Variants in SRGAP1 observed in about 807,000 individuals in gnomAD.
SRGAP1 encodes the protein SLIT-ROBO Rho GTPase activating protein 1.
In SRGAP1, 43 loss-of-function variants were observed where a neutral mutation model predicts 121.9. That is an observed-to-expected ratio of 0.35 (90% CI 0.28 to 0.46). The LOEUF is 0.46. Ranked by LOEUF, SRGAP1 falls within the 20% of genes least tolerant of loss-of-function variation. The pLI is 1.00. For synonymous variants in SRGAP1, 447 were observed against 485.4 expected, an observed-to-expected ratio of 0.92 and a Z score of 1.04; for missense variants, 1,102 against 1,350.9, an observed-to-expected ratio of 0.82 and a Z score of 2.89.
At chr12:64,127,147 C>T (rs1008108802) in intron 19 of SRGAP1, among the ~76,000 whole-genome samples, 1 of 152,198 alleles carries the variant, frequency 6.6e-6, no homozygotes, top group Admixed American at 6.5e-5. Context: ...TGTGTAAGTG[C>T]ACTCTATGAT....
intron 1 of SRGAP1, among the ~76,000 whole-genome samples, chr12:63,875,476 G>A (rs1900000746): frequency 6.6e-6 from 1 of 152,098 alleles, no homozygotes; most frequent in South Asian, 2.1e-4. Context: ...GTGTTAAATG[G>A]TATGTTGTTG....
chr12:64,125,463 A>C (rs1335227987), intron 18 of SRGAP1, among the ~76,000 whole-genome samples: 3 of 152,184 alleles, frequency 2.0e-5, no homozygotes, highest in African/African-American at 4.8e-5. Flanking sequence ...ATGTATTCAC[A>C]TACTATTTAT....
At chr12:63,974,197 T>C (rs966707776) in intron 1 of SRGAP1, among the ~76,000 whole-genome samples, 13 of 152,154 alleles carry the variant, frequency 8.5e-5, no homozygotes, top group African/African-American at 3.1e-4. Flanking sequence ...CATTGAACAC[T>C]CTAATTTATT....
chr12:63,989,293 A>G (rs1296727795), intron 2 of SRGAP1, among the ~76,000 whole-genome samples: 7 of 152,232 alleles, frequency 4.6e-5, no homozygotes. Context: ...ATGGGTTTCA[A>G]CAGGACATGT....
intron 15 of SRGAP1, among the ~76,000 whole-genome samples, chr12:64,106,129 C>T (rs1356700648): frequency 2.0e-5 from 3 of 152,190 alleles, no homozygotes; most frequent in Non-Finnish European, 4.4e-5. Flanking sequence ...AAGCAATTCT[C>T]TTACCTTAGC....
At chr12:63,958,631 G>A (rs1210671050) in intron 1 of SRGAP1, among the ~76,000 whole-genome samples, 2 of 152,148 alleles carry the variant, frequency 1.3e-5, no homozygotes, top group Non-Finnish European at 2.9e-5. Context: ...TAGGTAATTA[G>A]GTTTGCAAAT....
chr12:63,949,120 A>G (rs1248738080), intron 1 of SRGAP1, among the ~76,000 whole-genome samples: 3 of 139,190 alleles, frequency 2.2e-5, no homozygotes, highest in African/African-American at 8.2e-5. Flanking sequence ...ATACATTCAT[A>G]TATGTATTTT....
chr12:63,951,152 C>CTT (rs58637983), intron 1 of SRGAP1, among the ~76,000 whole-genome samples: 1,712 of 44,200 alleles, frequency 0.039, 571 homozygotes, highest in Middle Eastern at 0.11. Context: ...ATTTAGAACT[C>CTT]TTTTTTTTTT....
intron 8 of SRGAP1, among the ~76,000 whole-genome samples, chr12:64,067,855 G>C (rs2035567540): frequency 6.6e-6 from 1 of 151,444 alleles, no homozygotes. Flanking sequence ...GGGGCTTGAG[G>C]CTGCATGGAG....
chr12:64,059,639 T>C (rs1165678893), intron 6 of SRGAP1, among the ~76,000 whole-genome samples: 3 of 152,198 alleles, frequency 2.0e-5, no homozygotes, highest in Non-Finnish European at 2.9e-5. Context: ...ATTTGTGTTT[T>C]CATTAACGCA....
intron 1 of SRGAP1, among the ~76,000 whole-genome samples, chr12:63,943,341 A>C (rs1164491731): frequency 6.6e-6 from 1 of 152,226 alleles, no homozygotes; most frequent in Non-Finnish European, 1.5e-5. Context: ...AAATCTTTTT[A>C]TATCCCACAG....
intron 1 of SRGAP1, among the ~76,000 whole-genome samples, chr12:63,952,155 C>T (rs1309648624): frequency 6.6e-6 from 1 of 152,062 alleles, no homozygotes; most frequent in Non-Finnish European, 1.5e-5. Flanking sequence ...CCACTCTGCA[C>T]CTCACTATTC....
intron 1 of SRGAP1, among the ~76,000 whole-genome samples, chr12:63,880,578 C>T (rs1485687679): frequency 6.6e-6 from 1 of 152,048 alleles, no homozygotes; most frequent in Non-Finnish European, 1.5e-5. Context: ...AGTATTTCTT[C>T]GTAGCAGTAT....
intron 1 of SRGAP1, among the ~76,000 whole-genome samples, chr12:63,847,482 G>A (rs11175182): frequency 0.034 from 5,244 of 152,012 alleles, 328 homozygotes; most frequent in African/African-American, 0.12. Context: ...GGCCAGGCAC[G>A]GTGGCTCACG....
intron 14 of SRGAP1, among the ~76,000 whole-genome samples, chr12:64,096,458 T>G (rs888650423): frequency 5.9e-5 from 9 of 152,224 alleles, no homozygotes; most frequent in Non-Finnish European, 1.0e-4. Context: ...TATTTTATGT[T>G]GAACTTCTTA....
chr12:64,053,076 C>CAAA (rs1469497598), intron 6 of SRGAP1, among the ~76,000 whole-genome samples: 4 of 152,148 alleles, frequency 2.6e-5, no homozygotes, highest in Non-Finnish European at 4.4e-5. Context: ...TTCTTGGAGG[C>CAAA]ATACAGATGA....
intron 1 of SRGAP1, among the ~76,000 whole-genome samples, chr12:63,934,224 T>C (rs535545282): frequency 6.6e-6 from 1 of 152,256 alleles, no homozygotes; most frequent in South Asian, 2.1e-4. Context: ...AGAGAGCCCA[T>C]CCATTGTGTT....
At chr12:63,988,194 C>T (rs1261669543) in intron 2 of SRGAP1, among the ~76,000 whole-genome samples, 1 of 152,124 alleles carries the variant, frequency 6.6e-6, no homozygotes, top group Non-Finnish European at 1.5e-5. Flanking sequence ...TGAAATAACA[C>T]TTATTTAATG....
At chr12:64,115,324 GATGAATGT>G (rs2036499782) in intron 17 of SRGAP1, among the ~76,000 whole-genome samples, 1 of 152,202 alleles carries the variant, frequency 6.6e-6, no homozygotes, top group African/African-American at 2.4e-5. Context: ...CCTAGTCAAA[GATGAATGT>G]ATGTATCTAA....
Sources: allele counts gnomAD v4.1 joint callset (sites outside exome capture counted in the v4.1 genomes callset), GRCh38; gene constraint gnomAD v4.1.1; transcripts MANE v1.5; gene names NCBI Gene and HGNC (gene_info 2026-07-23, HGNC 2026-07-21).